FSIP2: variants seen among roughly 807,000 people sequenced by gnomAD.
The protein encoded by FSIP2 is fibrous sheath-interacting protein 2.
FSIP2 carries 367 observed loss-of-function variants against 510.5 expected under a neutral mutation model. That is an observed-to-expected ratio of 0.72 (90% CI 0.66 to 0.78). The LOEUF (loss-of-function observed/expected upper bound fraction) is 0.78, where lower values mean the gene tolerates loss of function less well. FSIP2 is among the 30% of genes least tolerant of loss of function. The pLI is 0.00. For missense variants in FSIP2, 7,594 were observed against 7,901.7 expected (o/e 0.96, Z 1.48); for synonymous variants, 2,601 against 2,732.2 (o/e 0.95, Z 1.50).
intron 11 of FSIP2, among the ~76,000 whole-genome samples, chr2:185,762,669 A>AATTTATTTT (rs1692380477): frequency 6.6e-6 from 1 of 151,126 alleles, no homozygotes; most frequent in Non-Finnish European, 1.5e-5. Flanking sequence ...CTACTTCCTT[A>AATTTATTTT]ATTTATTTTG....
chr2:185,807,713 G>A lies in FSIP2; in HGVS notation c.18407G>A (p.Gly6136Glu). The change falls in exon 17 of 23, where the codon GGA becomes GAA. Residue 6136 changes from glycine (G) to glutamate (E), a missense_variant. Gly to Glu is a moderately conservative substitution (Grantham distance 98). Coordinates refer to ENST00000424728, the MANE Select transcript of FSIP2 (RefSeq NM_173651.4). The stretch of plus-strand genomic sequence containing the variant: ...AATCAGCTGCAGAGCTATTTTTGTG[G>A]AGAGCTAACTCCACATCAGTGTGTG... ...ASNQLQSYFC[G>E]ELTPHQCVEV... 6.2e-7 allele frequency: 1 copy of A among 1,612,608 alleles called. No homozygotes were observed. The highest frequency in any genetic ancestry group is 8.5e-7 in the Non-Finnish European group (1 of 1,179,192).
Position 185,803,014 on chromosome 2 carries a change from G to T in FSIP2, c.13708G>T (p.Asp4570Tyr), listed in dbSNP as rs1403442794. ...TGTGCAAAATATCACAAGCAGTAAT[G>T]ACATTCTTATAGATAGAATAGCAGG... The part of the protein sequence containing the change: ...SAVQNITSSN[D>Y]ILIDRIAGFI... Residue 4570 changes from aspartate to tyrosine, a missense_variant, in exon 17 of 23, where the codon GAC becomes TAC. Transcript: ENST00000424728. The T allele has an allele frequency of 1.4e-5, 21 of 1,530,272 alleles. No individual in the cohort carries two copies. Among genetic ancestry groups the T allele is most frequent in the Non-Finnish European group, 1.6e-5 (18 of 1,144,238 alleles). The allele number at this position is 1,530,272 out of a possible 1,614,324, so 94.8% of individuals were successfully genotyped here.
rs1213424325 is a variant in FSIP2, at chr2:185,803,220, A to C, written c.13914A>C (p.Val4638=). The C allele has an allele frequency of 1.3e-6, 2 of 1,531,576 alleles. No homozygotes were observed. The highest frequency in any genetic ancestry group is 4.0e-5 in the Admixed American group (2 of 50,528). 94.9% of individuals were successfully genotyped at this position (1,531,576 alleles called of 1,614,324 possible). Reference sequence around the variant, plus strand: ...TTTTAAGAAAAATATTCCACAGGGTAGTAGGCATTGTACAAACAAAATCCA... The same window carrying C: ...TTTTAAGAAAAATATTCCACAGGGTCGTAGGCATTGTACAAACAAAATCCA... ...SGVLRKIFHR[V]VGIVQTKSIR... The change falls in exon 17 of 23, where the codon GTA becomes GTC. Residue 4638 remains valine, a synonymous_variant. Transcript: ENST00000424728.
intron 18 of FSIP2, among the ~76,000 whole-genome samples, chr2:185,814,804 C>T (rs1290030029): frequency 6.6e-6 from 1 of 151,992 alleles, no homozygotes; most frequent in Non-Finnish European, 1.5e-5. Flanking sequence ...AAATTCCATA[C>T]CATAACATGT....
chr2:185,816,573 C>T (rs1293524259), intron 19 of FSIP2, among the ~76,000 whole-genome samples: 2 of 151,796 alleles, frequency 1.3e-5, no homozygotes, highest in Non-Finnish European at 2.9e-5. Context: ...CATGATGGCT[C>T]ACGTCTGTAA....
chr2:185,753,112 G>A (rs1330288814), intron 7 of FSIP2, among the ~76,000 whole-genome samples: 1 of 151,082 alleles, frequency 6.6e-6, no homozygotes, highest in East Asian at 1.9e-4. Context: ...ATATTTCTAG[G>A]GGGAATAGGC....
At position 185,804,542 on chromosome 2, in the gene FSIP2, A is replaced by C; in HGVS notation, c.15236A>C (p.Glu5079Ala). ...CAGTCATTAGTTTCAGGAGAATTAG[A>C]GTCTTCTTCTTATTCGTATCCCCAA... is the stretch of plus-strand genomic sequence containing the variant. ...QVQSLVSGEL[E>A]SSSYSYPQAD... is the part of the protein sequence containing the mutation. The change falls in exon 17 of 23, where the codon GAG (glutamate) becomes GCG (alanine). Residue 5079 changes from glutamate (E) to alanine (A), a missense_variant. Coordinates refer to ENST00000424728, the MANE Select transcript of FSIP2 (RefSeq NM_173651.4). The C allele has an allele frequency of 1.3e-6, 2 of 1,523,720 alleles. No individual in the cohort carries two copies. Among genetic ancestry groups the C allele is most frequent in the Non-Finnish European group, 1.8e-6 (2 of 1,141,380 alleles). The allele number at this position is 1,523,720 out of a possible 1,614,324, so 94.4% of individuals were successfully genotyped here.
chr2:185,804,535 G>A lies in FSIP2; in HGVS notation c.15229G>A (p.Glu5077Lys). The A allele has an allele frequency of 6.6e-7, 1 of 1,522,244 alleles. No homozygotes were observed. The highest frequency in any genetic ancestry group is 2.5e-5 in the East Asian group (1 of 40,780). 94.3% of individuals were successfully genotyped at this position (1,522,244 alleles called of 1,614,324 possible). The part of the protein sequence containing the change: ...DYQVQSLVSG[E>K]LESSSYSYPQ... Reference sequence around the variant, plus strand: ...TCAAGTGCAGTCATTAGTTTCAGGAGAATTAGAGTCTTCTTCTTATTCGTA... The same window carrying A: ...TCAAGTGCAGTCATTAGTTTCAGGAAAATTAGAGTCTTCTTCTTATTCGTA... Residue 5077 changes from glutamate (E) to lysine (K), a missense_variant, in exon 17 of 23, where the codon GAA (glutamate) becomes AAA (lysine). By Grantham distance (56) the Glu-to-Lys change is moderately conservative. Coordinates refer to ENST00000424728, the MANE Select transcript of FSIP2 (RefSeq NM_173651.4).
At chr2:185,742,566 T>C (rs1691945008) in intron 2 of FSIP2, among the ~76,000 whole-genome samples, 1 of 152,202 alleles carries the variant, frequency 6.6e-6, no homozygotes, top group Admixed American at 6.5e-5. Flanking sequence ...CACTCAGAGA[T>C]TGTTGGTTCC....
chr2:185,790,158 A>G lies in FSIP2; in HGVS notation c.3022A>G (p.Ile1008Val). 3 of 1,532,534 alleles carry G rather than the reference A, an allele frequency of 2.0e-6. No individual in the cohort carries two copies. The highest frequency in any genetic ancestry group is 2.6e-6 in the Non-Finnish European group (3 of 1,144,872). The allele number at this position is 1,532,534 out of a possible 1,614,324, so 94.9% of individuals were successfully genotyped here. A position where few individuals can be genotyped will look rare whatever the true frequency, so the allele number is the denominator to read the frequency against. ...VLYSDDENEE[I>V]DNIVKNVLDS... Reference sequence around the variant, plus strand: ...TTATTCTGATGATGAAAATGAGGAAATAGACAATATTGTAAAAAATGTGCT... The same window carrying G: ...TTATTCTGATGATGAAAATGAGGAAGTAGACAATATTGTAAAAAATGTGCT... The change falls in exon 16 of 23, where the codon ATA (isoleucine) becomes GTA (valine). Residue 1008 changes from isoleucine to valine, a missense_variant. Transcript: ENST00000424728.
In FSIP2 at chr2:185,808,294, A is replaced by G. The variant is rs1457090547; in HGVS notation, c.18988A>G (p.Lys6330Glu). 2.5e-6 allele frequency: 4 copies of G among 1,604,894 alleles called. No individual in the cohort carries two copies. Among genetic ancestry groups the G allele is most frequent in the Non-Finnish European group, 8.5e-7 (1 of 1,177,172 alleles). ...EKVIKIIDEL[K>E]SKEKSSSRKG... ...AGTGATCAAAATTATTGATGAACTT[A>G]AGTCTAAGGAAAAGTCTTCATCCAG... Residue 6330 changes from lysine (K) to glutamate (E), a missense_variant, in exon 17 of 23, where the codon AAG becomes GAG. Physicochemically the swap from Lys to Glu is moderately conservative, Grantham distance 56. Transcript: ENST00000424728.
At chr2:185,749,260 T>C (rs1574154068) in intron 7 of FSIP2, among the ~76,000 whole-genome samples, 1 of 151,978 alleles carries the variant, frequency 6.6e-6, no homozygotes, top group Non-Finnish European at 1.5e-5. Flanking sequence ...CTTTATAATA[T>C]TGAGTTTTTC....
Position 185,803,304 on chromosome 2 carries a change from A to G in FSIP2, c.13998A>G (p.Thr4666=), listed in dbSNP as rs972258826. 19 of 1,527,752 alleles carry G rather than the reference A, an allele frequency of 1.2e-5. No homozygotes were observed. In the African/African-American group the frequency reaches 2.5e-4, roughly 20 times the overall value. The allele number at this position is 1,527,752 out of a possible 1,614,324, so 94.6% of individuals were successfully genotyped here. A position where few individuals can be genotyped will look rare whatever the true frequency, so the allele number is the denominator to read the frequency against. The change falls in exon 17 of 23, where the codon ACA becomes ACG. Residue 4666 remains threonine (T), a synonymous_variant. Coordinates refer to ENST00000424728, the MANE Select transcript of FSIP2 (RefSeq NM_173651.4). ...EKAEELIHLI[T]GEFSKAQVSI... ...CTGAAGAACTCATACATTTGATTAC[A>G]GGGGAATTCTCAAAAGCCCAAGTTA...
Position 185,806,276 on chromosome 2 carries a change from G to A in FSIP2, c.16970G>A (p.Arg5657Lys), listed in dbSNP as rs376063609. 15 of 1,609,678 alleles carry A rather than the reference G, an allele frequency of 9.3e-6. No individual in the cohort carries two copies. Among genetic ancestry groups the A allele is most frequent in the African/African-American group, 1.3e-5 (1 of 74,694 alleles). ...IRIRTSSNEG[R>K]RDSPTQTCRD... ...ATTCGAACATCAAGCAATGAGGGGAGAAGAGACTCTCCAACACAAACGTGT... is the reference window on the plus strand; with the variant it reads ...ATTCGAACATCAAGCAATGAGGGGAAAAGAGACTCTCCAACACAAACGTGT... Residue 5657 changes from arginine (R) to lysine (K), a missense_variant, in exon 17 of 23, where the codon AGA becomes AAA. By Grantham distance (26) the Arg-to-Lys change is conservative (BLOSUM62 2). Coordinates refer to ENST00000424728, the MANE Select transcript of FSIP2 (RefSeq NM_173651.4).
intron 5 of FSIP2, among the ~76,000 whole-genome samples, chr2:185,746,413 GCTTTTTACCATTAT>G (rs1692035204): frequency 6.6e-6 from 1 of 151,858 alleles, no homozygotes; most frequent in Non-Finnish European, 1.5e-5. Context: ...ACTTTGCTCT[GCTTTTTACCATTAT>G]CTTTGCCATT....
At chr2:185,787,531 T>C (rs1420684452) in intron 15 of FSIP2, among the ~76,000 whole-genome samples, 1 of 151,874 alleles carries the variant, frequency 6.6e-6, no homozygotes, top group African/African-American at 2.4e-5. Context: ...TTCTAAGCTT[T>C]TCTGCCAATT....
chr2:185,816,287 G>T (rs1381562610), intron 19 of FSIP2, among the ~76,000 whole-genome samples: 1 of 148,600 alleles, frequency 6.7e-6, no homozygotes, highest in South Asian at 2.1e-4. Flanking sequence ...GCCCACCATT[G>T]TCTCTTTTCT....
At chr2:185,745,621 C>G (rs2105532017) in intron 5 of FSIP2, 53 bp downstream of exon 5, 1 of 1,388,158 alleles carries the variant, frequency 7.2e-7, no homozygotes, top group Admixed American at 2.4e-5. Flanking sequence ...CCCAAATAAG[C>G]TGGAAAATAC....
Position 185,802,780 on chromosome 2 carries a change from G to C in FSIP2, c.13474G>C (p.Asp4492His). Residue 4492 changes from aspartate to histidine, a missense_variant, in exon 17 of 23, where the codon GAC (aspartate) becomes CAC (histidine). By Grantham distance (81) the Asp-to-His change is moderately conservative (BLOSUM62 -1). Transcript: ENST00000424728. ...TGCATCTAGCCTGGTTCTAAACAGA[G>C]ACACCCAAAAAGATATATCAAGAGT... ...SSASSLVLNR[D>H]TQKDISRVNF... The C allele has an allele frequency of 6.6e-7, 1 of 1,519,406 alleles. No individual in the cohort carries two copies. Among genetic ancestry groups the C allele is most frequent in the Non-Finnish European group, 8.8e-7 (1 of 1,140,366 alleles). The allele number at this position is 1,519,406 out of a possible 1,614,324, so 94.1% of individuals were successfully genotyped here. A position where few individuals can be genotyped will look rare whatever the true frequency, so the allele number is the denominator to read the frequency against.
Sources: allele counts gnomAD v4.1 joint callset (sites outside exome capture counted in the v4.1 genomes callset), GRCh38; gene constraint gnomAD v4.1.1; transcripts MANE v1.5; gene names NCBI Gene and HGNC (gene_info 2026-07-23, HGNC 2026-07-21).